Variants in IKBKB observed in about 807,000 individuals in gnomAD.
IKBKB encodes the protein inhibitor of nuclear factor kappa-B kinase subunit beta.
Under a neutral mutation model 113.6 loss-of-function variants are expected in IKBKB, and 42 were observed. That is an observed-to-expected ratio of 0.37 (90% CI 0.29 to 0.48). The LOEUF (loss-of-function observed/expected upper bound fraction) is 0.48. Among genes scored for constraint, IKBKB ranks in the 20% least tolerant of loss-of-function variants. IKBKB has a pLI of 0.99. For synonymous variants in IKBKB, 296 were observed against 361.3 expected, an observed-to-expected ratio of 0.82 and a Z score of 2.05; for missense variants, 673 against 939.7, an observed-to-expected ratio of 0.72 and a Z score of 3.71.
intron 5 of IKBKB, among the ~76,000 whole-genome samples, chr8:42,302,603 C>T (rs1430138005): frequency 6.6e-6 from 1 of 152,170 alleles, no homozygotes; most frequent in Non-Finnish European, 1.5e-5. Flanking sequence ...GTACTTAACA[C>T]ATTGTTCCAT....
chr8:42,285,686 G>A (rs550928796), intron 2 of IKBKB, among the ~76,000 whole-genome samples: 8 of 152,386 alleles, frequency 5.2e-5, no homozygotes, highest in African/African-American at 1.9e-4. Flanking sequence ...ACTTAGGGCA[G>A]AACCTGGATG....
At chr8:42,319,900 G>A (rs975301238) in intron 15 of IKBKB, 5 of 417,980 alleles carry the variant, frequency 1.2e-5, no homozygotes, top group Admixed American at 8.1e-5. Flanking sequence ...CAAGGGTTAG[G>A]TTCCCTTGGG....
chr8:42,296,634 A>G (rs1813890744), intron 5 of IKBKB, among the ~76,000 whole-genome samples: 1 of 148,886 alleles, frequency 6.7e-6, no homozygotes, highest in Non-Finnish European at 1.5e-5. Flanking sequence ...GGGCAACAAG[A>G]GTGAAACTCC....
At position 42,310,419 on chromosome 8, in the gene IKBKB, T is replaced by G. The variant is rs113253049; in HGVS notation, c.692+1394T>G. On this transcript the variant is annotated intron_variant, in intron 8 of 21. Transcript: ENST00000520810. The stretch of plus-strand genomic sequence containing the variant: ...GTTCGTATCTTCCAGGGGTGTTTGC[T>G]ACGTGTTCCAGTAAATTGGCATATA... Among the ~76,000 whole-genome samples the G allele has an allele frequency of 2.2e-3, 331 of 152,346 alleles. 1 individual carries two copies. The highest frequency in any genetic ancestry group is 4.2e-3 in the Non-Finnish European group (283 of 68,034).
intron 15 of IKBKB, 68 bp from the exon 16 acceptor site, chr8:42,320,667 C>T: frequency 7.7e-7 from 1 of 1,301,424 alleles, no homozygotes; most frequent in South Asian, 1.2e-5. Flanking sequence ...GGTCTCGCTC[C>T]CCCGCAGATC....
At chr8:42,307,157 C>G (rs1816698133) in intron 7 of IKBKB, among the ~76,000 whole-genome samples, 1 of 152,072 alleles carries the variant, frequency 6.6e-6, no homozygotes, top group Non-Finnish European at 1.5e-5. Context: ...GTGGCCTCAG[C>G]CTGGTCTGGG....
At chr8:42,279,500 C>A (rs986369070) in intron 2 of IKBKB, among the ~76,000 whole-genome samples, 1 of 152,220 alleles carries the variant, frequency 6.6e-6, no homozygotes, top group Non-Finnish European at 1.5e-5. Flanking sequence ...TCAGAGGCAT[C>A]ATTTACTGAG....
At chr8:42,325,114 A>T in intron 19 of IKBKB, 1 of 536,588 alleles carries the variant, frequency 1.9e-6, no homozygotes, top group Non-Finnish European at 2.4e-6. Flanking sequence ...TGGGTTGGGG[A>T]CCATGCAGGG....
intron 21 of IKBKB, chr8:42,330,232 A>C (rs1821511636): frequency 2.0e-6 from 2 of 985,190 alleles, no homozygotes; most frequent in Admixed American, 1.2e-4. Context: ...AATCTCAAGG[A>C]CTCTGAGCCA....
At chr8:42,288,818 T>A in intron 3 of IKBKB, 90 bp downstream of exon 3, 1 of 1,034,994 alleles carries the variant, frequency 9.7e-7, no homozygotes, top group Non-Finnish European at 1.4e-6. Context: ...GGTGCGTGGC[T>A]CACGCCTGTA....
At chr8:42,288,008 G>C (rs1417538008) in intron 2 of IKBKB, among the ~76,000 whole-genome samples, 1 of 152,142 alleles carries the variant, frequency 6.6e-6, no homozygotes, top group South Asian at 2.1e-4. Context: ...ACCTCTCTGC[G>C]CAGGAATGGT....
chr8:42,271,688 T>C, intron 1 of IKBKB: 1 of 524,034 alleles, frequency 1.9e-6, no homozygotes, highest in Admixed American at 3.9e-5. Flanking sequence ...ACCTGCGATT[T>C]ATGGGAACAT....
intron 2 of IKBKB, among the ~76,000 whole-genome samples, chr8:42,282,120 A>G (rs1313134105): frequency 6.6e-6 from 1 of 152,158 alleles, no homozygotes; most frequent in African/African-American, 2.4e-5. Flanking sequence ...ACTACATTCA[A>G]TCTGGACATA....
Position 42,288,645 on chromosome 8 carries a change from G to T in IKBKB, c.117G>T (p.Glu39Asp). ...TGCTGTTTCTGTAGGAAACAGGTGA[G>T]CAGATTGCCATCAAGCAGTGCCGGC... ...VIRWHNQETG[E>D]QIAIKQCRQE... Residue 39 changes from glutamate to aspartate, a missense_variant, in exon 3 of 22, where the codon GAG becomes GAT. Physicochemically the swap from Glu to Asp is conservative, Grantham distance 45 (BLOSUM62 2). Coordinates refer to ENST00000520810, the MANE Select transcript of IKBKB (RefSeq NM_001556.3). 6.2e-7 allele frequency: 1 copy of T among 1,610,384 alleles called. No individual in the cohort carries two copies.
chr8:42,331,422 C>T lies in IKBKB; in HGVS notation c.*443C>T, dbSNP rs199957605. On this transcript the variant is annotated 3_prime_UTR_variant, in exon 22 of 22. Transcript: ENST00000520810. ...ATCTTTCAGGGCAGAGTCCGAGCAG[C>T]GCTTGGTGACAGCCTGTCCTCTCCT... 1.7e-5 allele frequency: 12 copies of T among 702,682 alleles called. No homozygotes were observed. The highest frequency in any genetic ancestry group is 6.0e-5 in the Admixed American group (3 of 50,006). 43.5% of individuals were successfully genotyped at this position (702,682 alleles called of 1,614,324 possible). A position where few individuals can be genotyped will look rare whatever the true frequency, so the allele number is the denominator to read the frequency against.
rs1422293142 is a variant in IKBKB at position 42,326,108 on chromosome 8, C to T, written c.2114+11C>T. ...GCCAGCCAAGAAGAGGTAGGTCCTCCTTAGCAGTGCCAAGTGTGACCATCA... is the reference window on the plus strand; with the variant it reads ...GCCAGCCAAGAAGAGGTAGGTCCTCTTTAGCAGTGCCAAGTGTGACCATCA... On this transcript the variant is annotated intron_variant, in intron 20 of 21. Transcript: ENST00000520810. 2 of 1,613,978 alleles carry T rather than the reference C, an allele frequency of 1.2e-6. No homozygotes were observed. The highest frequency in any genetic ancestry group is 3.3e-5 in the Admixed American group (2 of 60,000).
At chr8:42,274,451 A>G (rs1253620595) in intron 2 of IKBKB, among the ~76,000 whole-genome samples, 1 of 151,444 alleles carries the variant, frequency 6.6e-6, no homozygotes, top group African/African-American at 2.4e-5. Context: ...TTCCCTCCAC[A>G]ACTCCCCCCA....
chr8:42,288,989 G>C (rs1024431560), intron 3 of IKBKB, among the ~76,000 whole-genome samples: 1 of 152,120 alleles, frequency 6.6e-6, no homozygotes. Flanking sequence ...ACCAGGGAAG[G>C]GGGAAGGGCA....
chr8:42,271,990 C>T (rs1807860211), intron 1 of IKBKB, 93 bp from the exon 2 acceptor site: 1 of 1,262,764 alleles, frequency 7.9e-7, no homozygotes, highest in South Asian at 1.5e-5. Flanking sequence ...CTCTCCCATT[C>T]AAGAGCAGTG....
Sources: gnomAD v4.1 joint callset for allele counts (sites outside exome capture counted in the v4.1 genomes callset) on GRCh38, gnomAD v4.1.1 for gene constraint, MANE v1.5 for transcripts, NCBI Gene and HGNC (gene_info 2026-07-23, HGNC 2026-07-21) for gene names.